Variants in ZNF641 observed in about 807,000 individuals in gnomAD.
ZNF641 encodes zinc finger protein 641.
ZNF641 carries 26 observed loss-of-function variants against 46.2 expected under a neutral mutation model. That is an observed-to-expected ratio of 0.56 (90% CI 0.41 to 0.78). The LOEUF is 0.78. Ranked by LOEUF, ZNF641 falls within the 30% of genes least tolerant of loss-of-function variation. ZNF641 has a pLI of 0.00. For synonymous variants in ZNF641, 163 were observed against 187.9 expected (o/e 0.87, Z 1.09); for missense variants, 469 against 517.8 (o/e 0.91, Z 0.91).
At position 48,340,540 on chromosome 12, in the gene ZNF641, C is replaced by T. The variant is rs1952695165; in HGVS notation, c.*2433G>A. The T allele has an allele frequency of 1.0e-6, 1 of 985,288 alleles. No homozygotes were observed. The highest frequency in any genetic ancestry group is 1.7e-5 in the African/African-American group (1 of 57,228). The allele number at this position is 985,288 out of a possible 1,614,324, so 61.0% of individuals were successfully genotyped here. The stretch of plus-strand genomic sequence containing the variant: ...CCTTATACCACTGATGCCTCTGGTA[C>T]CTTAATCCTTAAAATATTTAGTGAC... On this transcript the variant is annotated 3_prime_UTR_variant, in exon 6 of 6. Transcript: ENST00000547026.
In ZNF641 at chr12:48,343,258, T is replaced by C; in HGVS notation, c.990A>G (p.Glu330=). ...HLASHQRVHA[E]GKSCKGQEVG... ...CCTCTTGGCCTTTGCAGGATTTGCCTTCTGCATGCACTCTCTGGTGGCTGG... is the reference window on the plus strand; with the variant it reads ...CCTCTTGGCCTTTGCAGGATTTGCCCTCTGCATGCACTCTCTGGTGGCTGG... The change falls in exon 6 of 6, where the codon GAA becomes GAG. Residue 330 remains glutamate, a synonymous_variant. Coordinates refer to ENST00000547026, the MANE Select transcript of ZNF641 (RefSeq NM_001172681.2). 6.2e-7 allele frequency: 1 copy of C among 1,614,270 alleles called. No individual in the cohort carries two copies. Among genetic ancestry groups the C allele is most frequent in the Non-Finnish European group, 8.5e-7 (1 of 1,180,054 alleles).
At position 48,339,327 on chromosome 12, in the gene ZNF641, A is replaced by C. The variant is rs1324322715; in HGVS notation, c.*3646T>G. The C allele has an allele frequency of 6.6e-6, 1 of 152,212 alleles. No homozygotes were observed. Among genetic ancestry groups the C allele is most frequent in the Non-Finnish European group, 1.5e-5 (1 of 68,038 alleles). 9.4% of individuals were successfully genotyped at this position (152,212 alleles called of 1,614,324 possible). ...TGAATCCCCTAGCCAGTGGTTCTCA[A>C]ACTTTAGCTTGTATCACACATCCAG... is the stretch of plus-strand genomic sequence containing the variant. On this transcript the variant is annotated 3_prime_UTR_variant, in exon 6 of 6. Transcript: ENST00000547026.
chr12:48,339,870 T>G lies in ZNF641; in HGVS notation c.*3103A>C, dbSNP rs1952679732. On this transcript the variant is annotated 3_prime_UTR_variant, in exon 6 of 6. Coordinates refer to ENST00000547026, the MANE Select transcript of ZNF641 (RefSeq NM_001172681.2). ...AAGTGTAAATAGCCTGGTGAAAAGC[T>G]AACACTTTCGGTTACAGTCTCCTAT... 1.1e-6 allele frequency: 1 copy of G among 943,922 alleles called. No individual in the cohort carries two copies. The allele number at this position is 943,922 out of a possible 1,614,324, so 58.5% of individuals were successfully genotyped here.
chr12:48,350,265 G>A (rs1952993172), intron 1 of ZNF641: 5 of 1,424,652 alleles, frequency 3.5e-6, no homozygotes, highest in Non-Finnish European at 4.6e-6. Flanking sequence ...CAGAAAAGGG[G>A]CCATGTTATA....
Position 48,342,938 on chromosome 12 carries a change from G to A in ZNF641, c.*35C>T. The stretch of plus-strand genomic sequence containing the variant: ...GCAGTGACTCCTGGTAGCACCGGCT[G>A]ATAGACTTGACCATAGCTGTAGTGG... On this transcript the variant is annotated 3_prime_UTR_variant, in exon 6 of 6. Coordinates refer to ENST00000547026, the MANE Select transcript of ZNF641 (RefSeq NM_001172681.2). 1 of 1,569,522 alleles carries A rather than the reference G, an allele frequency of 6.4e-7. No homozygotes were observed. Among genetic ancestry groups the A allele is most frequent in the Non-Finnish European group, 8.6e-7 (1 of 1,160,366 alleles).
At position 48,342,266 on chromosome 12, in the gene ZNF641, G is replaced by C. The variant is rs2136173281; in HGVS notation, c.*707C>G. On this transcript the variant is annotated 3_prime_UTR_variant, in exon 6 of 6. Coordinates refer to ENST00000547026, the MANE Select transcript of ZNF641 (RefSeq NM_001172681.2). ...GGGTAAAAAGGTTATTTTTTCAGCA[G>C]GTGAGGGTGAGAGGTGATGTATATA... 1 of 985,430 alleles carries C rather than the reference G, an allele frequency of 1.0e-6. No individual in the cohort carries two copies. Among genetic ancestry groups the C allele is most frequent in the South Asian group, 4.7e-5 (1 of 21,282 alleles). 61.0% of individuals were successfully genotyped at this position (985,430 alleles called of 1,614,324 possible). A position where few individuals can be genotyped will look rare whatever the true frequency, so the allele number is the denominator to read the frequency against.
chr12:48,350,884 G>A lies in ZNF641; in HGVS notation c.-124C>T. 1.0e-6 allele frequency: 1 copy of A among 985,000 alleles called. No homozygotes were observed. Among genetic ancestry groups the A allele is most frequent in the Non-Finnish European group, 1.2e-6 (1 of 829,702 alleles). The allele number at this position is 985,000 out of a possible 1,614,324, so 61.0% of individuals were successfully genotyped here. ...TGCGTCTGGGAGCCGGCGGCCGGCGGAGCCAGCGACAGGCGGAGACGGCGG... is the reference window on the plus strand; with the variant it reads ...TGCGTCTGGGAGCCGGCGGCCGGCGAAGCCAGCGACAGGCGGAGACGGCGG... On this transcript the variant is annotated 5_prime_UTR_variant, in exon 1 of 6. Transcript: ENST00000547026.
chr12:48,350,847 C>A lies in ZNF641; in HGVS notation c.-87G>T, dbSNP rs1441903866. 1.0e-6 allele frequency: 1 copy of A among 985,044 alleles called. No homozygotes were observed. Among genetic ancestry groups the A allele is most frequent in the African/African-American group, 1.7e-5 (1 of 57,190 alleles). 61.0% of individuals were successfully genotyped at this position (985,044 alleles called of 1,614,324 possible). A position where few individuals can be genotyped will look rare whatever the true frequency, so the allele number is the denominator to read the frequency against. On this transcript the variant is annotated 5_prime_UTR_variant, in exon 1 of 6. Coordinates refer to ENST00000547026, the MANE Select transcript of ZNF641 (RefSeq NM_001172681.2). ...CCCGGGCGCCGCCTGCCCCTCCCCT[C>A]CGCCCTCCGCTTGCGTCTGGGAGCC...
At chr12:48,350,121 C>T (rs1232310822) in intron 1 of ZNF641, 1 of 1,613,520 alleles carries the variant, frequency 6.2e-7, no homozygotes, top group Non-Finnish European at 8.5e-7. Context: ...GCCCTAACCT[C>T]GTTTCTCCTG....
Position 48,340,727 on chromosome 12 carries a change from T to A in ZNF641, c.*2246A>T, listed in dbSNP as rs1425828013. 18 of 985,340 alleles carry A rather than the reference T, an allele frequency of 1.8e-5. No homozygotes were observed. Among genetic ancestry groups the A allele is most frequent in the Non-Finnish European group, 2.2e-5 (18 of 829,950 alleles). The allele number at this position is 985,340 out of a possible 1,614,324, so 61.0% of individuals were successfully genotyped here. ...CAAATGTCTTTTTCTCAAAAGTGCGTTTCTGGTTTCTGTCAGATTCAACAG... is the reference window on the plus strand; with the variant it reads ...CAAATGTCTTTTTCTCAAAAGTGCGATTCTGGTTTCTGTCAGATTCAACAG... On this transcript the variant is annotated 3_prime_UTR_variant, in exon 6 of 6. Transcript: ENST00000547026.
intron 1 of ZNF641, among the ~76,000 whole-genome samples, chr12:48,348,321 C>T (rs1208044498): frequency 1.3e-5 from 2 of 152,060 alleles, no homozygotes; most frequent in Non-Finnish European, 2.9e-5. Context: ...GCAGGTGCTA[C>T]GTAGCAAAGC....
At chr12:48,350,733 A>C in intron 1 of ZNF641, 53 bp downstream of exon 1, 1 of 753,076 alleles carries the variant, frequency 1.3e-6, no homozygotes, top group Non-Finnish European at 1.6e-6. Context: ...CGCCCCGGGA[A>C]GCCAGGCGTC....
At chr12:48,349,792 C>T (rs1952977001) in intron 1 of ZNF641, among the ~76,000 whole-genome samples, 1 of 152,192 alleles carries the variant, frequency 6.6e-6, no homozygotes, top group South Asian at 2.1e-4. Flanking sequence ...ACACACAGGG[C>T]ACTAATTCTC....
At position 48,345,357 on chromosome 12, in the gene ZNF641, C is replaced by T; in HGVS notation, c.394G>A (p.Val132Ile). The T allele has an allele frequency of 3.1e-6, 5 of 1,614,062 alleles. No homozygotes were observed. Among genetic ancestry groups the T allele is most frequent in the Non-Finnish European group, 4.2e-6 (5 of 1,179,968 alleles). ...EYVMQENCGI[V>I]VSLRFPIPKL... ...AGGTCATGCTTACTCAGAGAGACTACTATCCCACAGTTTTCCTGCATGACA... is the reference window on the plus strand; with the variant it reads ...AGGTCATGCTTACTCAGAGAGACTATTATCCCACAGTTTTCCTGCATGACA... The change falls in exon 4 of 6, where the codon GTA (valine) becomes ATA (isoleucine). Residue 132 changes from valine (V) to isoleucine (I), a missense_variant. Physicochemically the swap from Val to Ile is conservative, Grantham distance 29. Transcript: ENST00000547026.
In ZNF641 at chr12:48,340,442, T is replaced by C. The variant is rs1335486196; in HGVS notation, c.*2531A>G. On this transcript the variant is annotated 3_prime_UTR_variant, in exon 6 of 6. Coordinates refer to ENST00000547026, the MANE Select transcript of ZNF641 (RefSeq NM_001172681.2). ...TTGTGAGGAGCTGGATTTGTCAGCA[T>C]GTCAGATCTTTTTGAAAACCAGAGA... 6.1e-6 allele frequency: 6 copies of C among 985,494 alleles called. No homozygotes were observed. Among genetic ancestry groups the C allele is most frequent in the Non-Finnish European group, 7.2e-6 (6 of 829,944 alleles). 61.0% of individuals were successfully genotyped at this position (985,494 alleles called of 1,614,324 possible).
At position 48,343,708 on chromosome 12, in the gene ZNF641, C is replaced by G. The variant is rs746562532; in HGVS notation, c.540G>C (p.Glu180Asp). Residue 180 changes from glutamate to aspartate, a missense_variant, in exon 6 of 6, where the codon GAG becomes GAC. Transcript: ENST00000547026. ...CTGCTTCTAGTTCAGGGGTATCCCC[C>G]TCATGTTCACTTCCATCTCCTGCGG... is the stretch of plus-strand genomic sequence containing the variant. ...VTYTGDGSEH[E>D]GDTPELEAEP... 2.7e-6 allele frequency: 4 copies of G among 1,496,036 alleles called. No individual in the cohort carries two copies. Among genetic ancestry groups the G allele is most frequent in the Admixed American group, 2.4e-5 (1 of 41,096 alleles). The allele number at this position is 1,496,036 out of a possible 1,614,324, so 92.7% of individuals were successfully genotyped here.
chr12:48,339,553 GCTCT>G lies in ZNF641; in HGVS notation c.*3416_*3419del, dbSNP rs1405284454. 11 of 152,242 alleles carry G rather than the reference GCTCT, an allele frequency of 7.2e-5. No homozygotes were observed. In the East Asian group the frequency reaches 1.9e-3, roughly 27 times the overall value. The allele number at this position is 152,242 out of a possible 1,614,324, so 9.4% of individuals were successfully genotyped here. A position where few individuals can be genotyped will look rare whatever the true frequency, so the allele number is the denominator to read the frequency against. ...AAAGAGGAAAATTTTGCTAGCTCAG[GCTCT>G]CTAAGGATCTAAAGGAATGGATTTC... is the stretch of plus-strand genomic sequence containing the variant. On this transcript the variant is annotated 3_prime_UTR_variant, in exon 6 of 6. Transcript: ENST00000547026.
intron 4 of ZNF641, among the ~76,000 whole-genome samples, 164 bp downstream of exon 4, chr12:48,345,181 T>C (rs957428182): frequency 6.6e-6 from 1 of 151,906 alleles, no homozygotes; most frequent in Admixed American, 6.6e-5. Flanking sequence ...ATATTTACTC[T>C]CATTCTCTTG....
At chr12:48,346,243 G>C (rs570216731) in intron 3 of ZNF641, among the ~76,000 whole-genome samples, 1 of 152,198 alleles carries the variant, frequency 6.6e-6, no homozygotes, top group East Asian at 1.9e-4. Context: ...TGGTGGTTAG[G>C]AGCTCAGAAT....
Sources: gnomAD v4.1 joint callset for allele counts (sites outside exome capture counted in the v4.1 genomes callset) on GRCh38, gnomAD v4.1.1 for gene constraint, MANE v1.5 for transcripts, NCBI Gene and HGNC (gene_info 2026-07-23, HGNC 2026-07-21) for gene names.